MFAP3L: variants seen among roughly 807,000 people sequenced by gnomAD.
The protein encoded by MFAP3L is microfibrillar-associated protein 3-like.
A neutral mutation model predicts 20.0 loss-of-function variants in MFAP3L; 5 were observed. That is an observed-to-expected ratio of 0.25 (90% CI 0.13 to 0.53). The LOEUF is 0.53. Ranked by LOEUF, MFAP3L falls within the 20% of genes least tolerant of loss-of-function variation. The probability of loss-of-function intolerance (pLI) is 0.96; values close to 1 mark genes in which losing one functional copy is unlikely to be tolerated. For synonymous variants in MFAP3L, 219 were observed against 213.0 expected, an observed-to-expected ratio of 1.03 and a Z score of -0.25; for missense variants, 409 against 527.5, an observed-to-expected ratio of 0.78 and a Z score of 2.20.
At chr4:170,025,863 A>G (rs888237169) in intron 1 of MFAP3L, among the ~76,000 whole-genome samples, 2 of 152,140 alleles carry the variant, frequency 1.3e-5, no homozygotes, top group Non-Finnish European at 2.9e-5. Flanking sequence ...GCGATGAGAG[A>G]GATCCAGAGC....
chr4:170,017,408 C>A (rs866027076), intron 1 of MFAP3L, among the ~76,000 whole-genome samples: 1 of 152,144 alleles, frequency 6.6e-6, no homozygotes, highest in African/African-American at 2.4e-5. Flanking sequence ...TTACAAAACA[C>A]CCCCACAGAT....
At chr4:170,019,170 G>A (rs1482128140) in intron 1 of MFAP3L, among the ~76,000 whole-genome samples, 1 of 152,218 alleles carries the variant, frequency 6.6e-6, no homozygotes, top group Admixed American at 6.5e-5. Context: ...GGCCTTTGGA[G>A]AAGAAAGGAG....
At chr4:170,012,507 G>A (rs968569951) in intron 1 of MFAP3L, among the ~76,000 whole-genome samples, 2 of 152,222 alleles carry the variant, frequency 1.3e-5, no homozygotes, top group African/African-American at 2.4e-5. Context: ...TGACCTGGCA[G>A]AGTACACGGT....
At chr4:170,021,201 G>A (rs2111075320) in intron 1 of MFAP3L, among the ~76,000 whole-genome samples, 1 of 152,294 alleles carries the variant, frequency 6.6e-6, no homozygotes, top group Non-Finnish European at 1.5e-5. Context: ...CTGCACTTCT[G>A]TAGAGCCTGA....
Position 169,991,515 on chromosome 4 carries a change from A to G in MFAP3L, c.1093T>C (p.Ser365Pro), listed in dbSNP as rs1458809311. 1 of 1,613,888 alleles carries G rather than the reference A, an allele frequency of 6.2e-7. No individual in the cohort carries two copies. The highest frequency in any genetic ancestry group is 8.5e-7 in the Non-Finnish European group (1 of 1,180,008). ...ETAEPSTDVT[S>P]TELTSEEPTP... ...GGCTCTTCAGATGTTAGCTCGGTGG[A>G]CGTGACATCGGTAGAAGGTTCTGCA... Residue 365 changes from serine to proline, a missense_variant, in exon 3 of 3, where the codon TCC becomes CCC. Physicochemically the swap from Ser to Pro is moderately conservative, Grantham distance 74 (BLOSUM62 -1). Transcript: ENST00000361618. This position sits in a 1 kb window ranked among gnomAD's most constrained non-coding sequence, Gnocchi z 4.9.
chr4:169,995,562 C>T (rs1255591170), intron 2 of MFAP3L, among the ~76,000 whole-genome samples: 1 of 152,210 alleles, frequency 6.6e-6, no homozygotes, highest in African/African-American at 2.4e-5. Context: ...CTTGTCCAGA[C>T]AGGAACATCT....
chr4:169,992,421 CTAT>C lies in MFAP3L; in HGVS notation c.299-115_299-113del. 4 of 958,194 alleles carry C rather than the reference CTAT, an allele frequency of 4.2e-6. No individual in the cohort carries two copies. Among genetic ancestry groups the C allele is most frequent in the South Asian group, 3.3e-5 (2 of 60,982 alleles). The allele number at this position is 958,194 out of a possible 1,614,324, so 59.4% of individuals were successfully genotyped here. ...CATCTATGAAGAACATCTATGAAGT[CTAT>C]GAACGTCGACTTCACATGCTTACTA... On this transcript the variant is annotated intron_variant, in intron 2 of 2. Coordinates refer to ENST00000361618, the MANE Select transcript of MFAP3L (RefSeq NM_021647.8). This position sits in a 1 kb window ranked among gnomAD's most constrained non-coding sequence, Gnocchi z 4.3.
Position 169,992,317 on chromosome 4 carries a change from A to T in MFAP3L, c.299-8T>A. On this transcript the variant is annotated splice_region_variant and splice_polypyrimidine_tract_variant and intron_variant, in intron 2 of 2. Transcript: ENST00000361618. The surrounding 1 kb of genome is among the most constrained non-coding windows in gnomAD (Gnocchi z 4.3). ...CGTGCATTTGCCATTTTCCTGTCGG[A>T]AGGGAGAGAAGAGAATTCAACCAAG... 6.3e-7 allele frequency: 1 copy of T among 1,595,042 alleles called. No homozygotes were observed.
At position 169,992,192 on chromosome 4, in the gene MFAP3L, G is replaced by A; in HGVS notation, c.416C>T (p.Thr139Ile). 6.2e-7 allele frequency: 1 copy of A among 1,614,102 alleles called. No individual in the cohort carries two copies. The highest frequency in any genetic ancestry group is 8.5e-7 in the Non-Finnish European group (1 of 1,180,028). ...NIYGTVNNTV[T>I]LRVIFTSGDM... Reference sequence around the variant, plus strand: ...TCCAGAAGTGAAGATGACGCGCAAGGTCACCGTGTTGTTCACGGTGCCGTA... The same window carrying A: ...TCCAGAAGTGAAGATGACGCGCAAGATCACCGTGTTGTTCACGGTGCCGTA... The change falls in exon 3 of 3, where the codon ACC becomes ATC. Residue 139 changes from threonine (T) to isoleucine (I), a missense_variant. By Grantham distance (89) the Thr-to-Ile change is moderately conservative. Around this residue, in one of 3 missense-constraint regions of MFAP3L, gnomAD observed 127 missense variants for 218.1 expected, o/e 0.58. Coordinates refer to ENST00000361618, the MANE Select transcript of MFAP3L (RefSeq NM_021647.8). This position sits in a 1 kb window ranked among gnomAD's most constrained non-coding sequence, Gnocchi z 4.3.
upstream of MFAP3L, among the ~76,000 whole-genome samples, chr4:170,026,630 C>T (rs1253293806): frequency 3.3e-5 from 5 of 152,218 alleles, no homozygotes; most frequent in East Asian, 1.9e-4. Context: ...ATTCAGTCCG[C>T]TCAGCCTCTG....
intron 2 of MFAP3L, among the ~76,000 whole-genome samples, chr4:170,002,962 A>T (rs1472171024): frequency 6.6e-6 from 1 of 152,154 alleles, no homozygotes; most frequent in Admixed American, 6.5e-5. Flanking sequence ...CCCCTTCAAA[A>T]ATGAAAAGTT....
At chr4:170,024,148 C>T (rs559534242) in intron 1 of MFAP3L, among the ~76,000 whole-genome samples, 1 of 152,092 alleles carries the variant, frequency 6.6e-6, no homozygotes, top group African/African-American at 2.4e-5. Context: ...GTAATAAAAC[C>T]CCTTTTCAAC....
chr4:169,993,106 A>G (rs1337172754), intron 2 of MFAP3L, among the ~76,000 whole-genome samples: 6 of 152,208 alleles, frequency 3.9e-5, no homozygotes, highest in Non-Finnish European at 7.3e-5. Flanking sequence ...CCCTCTCTGG[A>G]AAGGATCTAG....
At chr4:170,007,145 T>A (rs1390466690) in intron 1 of MFAP3L, among the ~76,000 whole-genome samples, 2 of 152,054 alleles carry the variant, frequency 1.3e-5, no homozygotes, top group Non-Finnish European at 2.9e-5. Context: ...TCAGATCATA[T>A]TTTTTTTCAG....
chr4:170,024,437 G>A (rs1273346953), intron 1 of MFAP3L, among the ~76,000 whole-genome samples: 2 of 152,210 alleles, frequency 1.3e-5, no homozygotes, highest in Non-Finnish European at 2.9e-5. Flanking sequence ...ACTGGGGAAT[G>A]TCACCTGAGG....
chr4:170,015,844 T>C (rs1739666118), intron 1 of MFAP3L, among the ~76,000 whole-genome samples: 1 of 152,164 alleles, frequency 6.6e-6, no homozygotes, highest in African/African-American at 2.4e-5. Flanking sequence ...TTAGTGCCTG[T>C]AGCCATGCCA....
In MFAP3L at chr4:169,988,647, TC is replaced by T. The variant is rs752950440; in HGVS notation, c.*2730del. 2.0e-5 allele frequency: 3 copies of T among 152,236 alleles called. No individual in the cohort carries two copies. Among genetic ancestry groups the T allele is most frequent in the Non-Finnish European group, 4.4e-5 (3 of 68,042 alleles). 9.4% of individuals were successfully genotyped at this position (152,236 alleles called of 1,614,324 possible). A position where few individuals can be genotyped will look rare whatever the true frequency, so the allele number is the denominator to read the frequency against. On this transcript the variant is annotated 3_prime_UTR_variant, in exon 3 of 3. Coordinates refer to ENST00000361618, the MANE Select transcript of MFAP3L (RefSeq NM_021647.8). ...TCATGAGGTCTTCTGCATTTCATAT[TC>T]TAGCAGGAGGGCCTCTCATTTCATA...
chr4:170,022,651 C>T (rs186874354), intron 1 of MFAP3L, among the ~76,000 whole-genome samples: 7 of 152,218 alleles, frequency 4.6e-5, no homozygotes, highest in Admixed American at 3.9e-4. Flanking sequence ...TTCAGGTGGG[C>T]CCAATGTAAT....
At chr4:170,023,641 C>T (rs1195390647) in intron 1 of MFAP3L, among the ~76,000 whole-genome samples, 1 of 152,196 alleles carries the variant, frequency 6.6e-6, no homozygotes, top group Non-Finnish European at 1.5e-5. Context: ...CTAGGAAAGA[C>T]AAGTCACACC....
Sources: allele counts gnomAD v4.1 joint callset (sites outside exome capture counted in the v4.1 genomes callset), GRCh38; gene constraint gnomAD v4.1.1; regional missense constraint gnomAD v4.1.1; non-coding constraint Gnocchi (gnomAD v3.1); transcripts MANE v1.5; gene names NCBI Gene and HGNC (gene_info 2026-07-23, HGNC 2026-07-21).